Variants in CAPN2 observed in about 807,000 individuals in gnomAD.
The protein encoded by CAPN2 is calpain-2 catalytic subunit.
Under a neutral mutation model 102.3 loss-of-function variants are expected in CAPN2, and 92 were observed. The observed-to-expected ratio is 0.90, with a 90% CI of 0.76 to 1.07. CAPN2 has a LOEUF of 1.07. CAPN2 is among the 50% of genes least tolerant of loss of function. The pLI, the probability that CAPN2 is intolerant of heterozygous loss-of-function variation, is 0.00. For synonymous variants in CAPN2, 340 were observed against 355.4 expected (o/e 0.96, Z 0.49); for missense variants, 800 against 909.4 (o/e 0.88, Z 1.55).
intron 2 of CAPN2, among the ~76,000 whole-genome samples, chr1:223,735,802 C>T (rs1258117186): frequency 1.8e-4 from 27 of 149,652 alleles, no homozygotes; most frequent in South Asian, 1.1e-3. Flanking sequence ...TTTTTTGAGA[C>T]GGAGTCTCGA....
chr1:223,736,978 G>A (rs1660470722), intron 2 of CAPN2, among the ~76,000 whole-genome samples: 1 of 152,162 alleles, frequency 6.6e-6, no homozygotes, highest in African/African-American at 2.4e-5. Flanking sequence ...GGTCAAGGCT[G>A]CAGTGAGCTG....
chr1:223,706,658 G>T (rs1396552117), intron 1 of CAPN2, among the ~76,000 whole-genome samples: 2 of 152,196 alleles, frequency 1.3e-5, no homozygotes, highest in African/African-American at 4.8e-5. Context: ...TAAATGAGGA[G>T]ATAAGATCTC....
At position 223,759,174 on chromosome 1, in the gene CAPN2, C is replaced by T. The variant is rs1661119195; in HGVS notation, c.1318-96C>T. On this transcript the variant is annotated intron_variant, in intron 11 of 20. Transcript: ENST00000295006. The surrounding 1 kb of genome is among the most constrained non-coding windows in gnomAD (Gnocchi z 4.6). The stretch of plus-strand genomic sequence containing the variant: ...CACCAGGACAGCAGGACTGAGCCAC[C>T]ACACTACCCAACTGCTTTTATCTCA... The T allele has an allele frequency of 8.4e-7, 1 of 1,190,078 alleles. No homozygotes were observed. Among genetic ancestry groups the T allele is most frequent in the East Asian group, 2.5e-5 (1 of 40,580 alleles). 73.7% of individuals were successfully genotyped at this position (1,190,078 alleles called of 1,614,324 possible).
intron 2 of CAPN2, among the ~76,000 whole-genome samples, chr1:223,734,779 C>A (rs1051278320): frequency 3.9e-5 from 6 of 152,222 alleles, no homozygotes; most frequent in African/African-American, 1.4e-4. Flanking sequence ...AGAGCAAACA[C>A]TTGGAGACAC....
chr1:223,755,506 CT>C lies in CAPN2; in HGVS notation c.1163del (p.Leu388ArgfsTer53). ...CACATTCTGGATGAACCCTCAGTAC[CT>C]GATCAAGCTGGAGGAGGAGGATGAG... Reference protein sequence around the residue: ...PNTFWMNPQYLIKLEEEDEDE... With the variant: ...PNTFWMNPQYXIKLEEEDEDE... On this transcript the variant is annotated frameshift_variant, in exon 10 of 21. Coordinates refer to ENST00000295006, the MANE Select transcript of CAPN2 (RefSeq NM_001748.5). LOFTEE classifies it high-confidence loss of function. This position sits in a 1 kb window ranked among gnomAD's most constrained non-coding sequence, Gnocchi z 4.1. 6.2e-7 allele frequency: 1 copy of C among 1,614,102 alleles called. No individual in the cohort carries two copies. The highest frequency in any genetic ancestry group is 8.5e-7 in the Non-Finnish European group (1 of 1,180,014).
Position 223,732,743 on chromosome 1 carries a change from C to G in CAPN2, c.308-11357C>G, listed in dbSNP as rs140084787. Among the ~76,000 whole-genome samples the G allele has an allele frequency of 6.9e-3, 1,051 of 152,302 alleles. 7 individuals are homozygous for G. Among genetic ancestry groups the G allele is most frequent in the Non-Finnish European group, 9.7e-3 (657 of 68,022 alleles). On this transcript the variant is annotated intron_variant, in intron 2 of 20. Coordinates refer to ENST00000295006, the MANE Select transcript of CAPN2 (RefSeq NM_001748.5). The stretch of plus-strand genomic sequence containing the variant: ...CAAGATGGAGTTGCTCTAGTTCACA[C>G]GCCTCTGACACATGTTCAGAAATAA...
chr1:223,745,140 G>T (rs368989308), intron 3 of CAPN2, among the ~76,000 whole-genome samples, 166 bp from the exon 4 acceptor site: 118 of 152,198 alleles, frequency 7.8e-4, no homozygotes, highest in African/African-American at 2.8e-3. Flanking sequence ...CGCTTTTTTA[G>T]TGAGGACTTG....
At chr1:223,740,908 G>C (rs572503264) in intron 2 of CAPN2, among the ~76,000 whole-genome samples, 10 of 152,320 alleles carry the variant, frequency 6.6e-5, no homozygotes, top group Middle Eastern at 3.4e-3. Flanking sequence ...TTGCAGAGGA[G>C]ACTGTTTTGG....
At chr1:223,744,749 T>G (rs2102796806) in intron 3 of CAPN2, among the ~76,000 whole-genome samples, 1 of 152,118 alleles carries the variant, frequency 6.6e-6, no homozygotes, top group East Asian at 1.9e-4. Flanking sequence ...TAATCCCAGC[T>G]ACTTGGGAGG....
In CAPN2 at chr1:223,754,565, C is replaced by G. The variant is rs543518296; in HGVS notation, c.1136-915C>G. ...GCCTTCGGAGCCATAGCTGCCAACC[C>G]CTACACAAGATGGTGCCTGTAATTT... On this transcript the variant is annotated intron_variant, in intron 9 of 20. Coordinates refer to ENST00000295006, the MANE Select transcript of CAPN2 (RefSeq NM_001748.5). The surrounding 1 kb of genome is among the most constrained non-coding windows in gnomAD (Gnocchi z 4.7). Among the ~76,000 whole-genome samples, 13 of 152,358 alleles carry G rather than the reference C, an allele frequency of 8.5e-5. No homozygotes were observed. In the East Asian group the frequency reaches 2.5e-3, roughly 29 times the overall value.
intron 2 of CAPN2, among the ~76,000 whole-genome samples, chr1:223,724,745 G>A (rs901918204): frequency 6.6e-6 from 1 of 152,136 alleles, no homozygotes; most frequent in Non-Finnish European, 1.5e-5. Context: ...TGAGGTGGGA[G>A]GGTCCCTTCA....
intron 15 of CAPN2, among the ~76,000 whole-genome samples, chr1:223,764,467 T>C (rs1362159320): frequency 6.6e-6 from 1 of 152,188 alleles, no homozygotes; most frequent in Non-Finnish European, 1.5e-5. Context: ...TTTTATTTTA[T>C]TTTTGAGACA....
rs1346016644 is a variant in CAPN2, at chr1:223,755,693, A to C, written c.1305+44A>C. 2 of 1,498,646 alleles carry C rather than the reference A, an allele frequency of 1.3e-6. No homozygotes were observed. The highest frequency in any genetic ancestry group is 2.8e-5 in the African/African-American group (2 of 70,748). 92.8% of individuals were successfully genotyped at this position (1,498,646 alleles called of 1,614,324 possible). A position where few individuals can be genotyped will look rare whatever the true frequency, so the allele number is the denominator to read the frequency against. ...CCTGCCCTCCCTTCCCCATGTGTTCATCTCAGCCCCTGCATGGAAAGCTGA... is the reference window on the plus strand; with the variant it reads ...CCTGCCCTCCCTTCCCCATGTGTTCCTCTCAGCCCCTGCATGGAAAGCTGA... On this transcript the variant is annotated intron_variant, in intron 10 of 20. Transcript: ENST00000295006. The surrounding 1 kb of genome is among the most constrained non-coding windows in gnomAD (Gnocchi z 4.1).
In CAPN2 at chr1:223,723,113, G is replaced by A. The variant is rs117207391; in HGVS notation, c.307+5282G>A. On this transcript the variant is annotated intron_variant, in intron 2 of 20. Coordinates refer to ENST00000295006, the MANE Select transcript of CAPN2 (RefSeq NM_001748.5). ...TGGGGCAAGAGGATCGCTTGAACCC[G>A]AGTTTGGGACCAGCTTGGGCAACAT... is the stretch of plus-strand genomic sequence containing the variant. 7.9e-3 allele frequency among the ~76,000 whole-genome samples: 1,203 copies of A among 152,200 alleles called. 80 individuals are homozygous for A. In the East Asian group the frequency reaches 0.16, roughly 20 times the overall value.
rs1475244624 is a variant in CAPN2 at position 223,754,628 on chromosome 1, A to G, written c.1136-852A>G. On this transcript the variant is annotated intron_variant, in intron 9 of 20. Coordinates refer to ENST00000295006, the MANE Select transcript of CAPN2 (RefSeq NM_001748.5). This position sits in a 1 kb window ranked among gnomAD's most constrained non-coding sequence, Gnocchi z 4.7. ...TTTATCCCATTAGGTATGGAAAGGC[A>G]ATTAGCATAATTCCCCTTAAACATG... Among the ~76,000 whole-genome samples the G allele has an allele frequency of 6.6e-6, 1 of 152,250 alleles. No individual in the cohort carries two copies. The highest frequency in any genetic ancestry group is 1.5e-5 in the Non-Finnish European group (1 of 68,038).
intron 5 of CAPN2, among the ~76,000 whole-genome samples, chr1:223,748,368 A>C (rs1362505496): frequency 6.6e-6 from 1 of 152,174 alleles, no homozygotes; most frequent in African/African-American, 2.4e-5. Context: ...AGGAATTCTC[A>C]AAGTTTATCA....
chr1:223,713,188 G>A (rs529993324), intron 1 of CAPN2, among the ~76,000 whole-genome samples: 9 of 152,142 alleles, frequency 5.9e-5, no homozygotes, highest in Non-Finnish European at 1.3e-4. Flanking sequence ...GGTGATGCAG[G>A]AGGCCGGGGT....
intron 16 of CAPN2, among the ~76,000 whole-genome samples, chr1:223,766,639 C>A (rs553813072): frequency 2.4e-4 from 37 of 152,310 alleles, no homozygotes; most frequent in Admixed American, 3.3e-4. Context: ...CTACACCCCC[C>A]CTCCCACCTA....
rs1660192727 is a variant in CAPN2 at position 223,726,399 on chromosome 1, T to C, written c.307+8568T>C. 1.3e-5 allele frequency among the ~76,000 whole-genome samples: 2 copies of C among 152,068 alleles called. No homozygotes were observed. Among genetic ancestry groups the C allele is most frequent in the South Asian group, 2.1e-4 (1 of 4,822 alleles). On this transcript the variant is annotated intron_variant, in intron 2 of 20. Transcript: ENST00000295006. The surrounding 1 kb of genome is among the most constrained non-coding windows in gnomAD (Gnocchi z 4.4). Reference sequence around the variant, plus strand: ...TGGAGATAAAAACTCTGATATTGACTAGTGACCGTGGGGGCGATGGCCCAG... The same window carrying C: ...TGGAGATAAAAACTCTGATATTGACCAGTGACCGTGGGGGCGATGGCCCAG...
Sources: allele counts gnomAD v4.1 joint callset (sites outside exome capture counted in the v4.1 genomes callset), GRCh38; gene constraint gnomAD v4.1.1; non-coding constraint Gnocchi (gnomAD v3.1); transcripts MANE v1.5; gene names NCBI Gene and HGNC (gene_info 2026-07-23, HGNC 2026-07-21).